Variants in PCA3 observed in about 807,000 individuals in gnomAD.
PCA3 encodes the protein Differential Display code 3.
At chr9:76,774,750 G>A (rs2053556740) in intron 2 of PCA3, among the ~76,000 whole-genome samples, 1 of 151,912 alleles carries the variant, frequency 6.6e-6, no homozygotes, top group African/African-American at 2.4e-5. Context: ...TGAGCCACTA[G>A]GCCCGACCCA....
At chr9:76,781,135 C>G (rs1451284968) in intron 2 of PCA3, among the ~76,000 whole-genome samples, 1 of 152,210 alleles carries the variant, frequency 6.6e-6, no homozygotes, top group Non-Finnish European at 1.5e-5. Flanking sequence ...CTACTTCAAA[C>G]CATGGTCACC....
At chr9:76,776,499 CTT>C (rs58566943) in intron 2 of PCA3, among the ~76,000 whole-genome samples, 6 of 136,468 alleles carry the variant, frequency 4.4e-5, no homozygotes, top group South Asian at 4.6e-4. Flanking sequence ...ACCACATTTT[CTT>C]TTTTTTTTTC....
At chr9:76,785,636 A>T (rs2054897092) in intron 2 of PCA3, 1 of 152,098 alleles carries the variant, frequency 6.6e-6, no homozygotes, top group East Asian at 1.9e-4. Context: ...CTTGTAGTTA[A>T]TTGAAAGAAA....
chr9:76,768,594 T>C (rs1006422359), intron 2 of PCA3, among the ~76,000 whole-genome samples: 4 of 143,174 alleles, frequency 2.8e-5, no homozygotes, highest in African/African-American at 1.1e-4. Flanking sequence ...TGTGTGTGTG[T>C]GTGTGTGTGT....
intron 2 of PCA3, among the ~76,000 whole-genome samples, chr9:76,782,287 C>T (rs1441573721): frequency 1.3e-5 from 2 of 152,198 alleles, no homozygotes; most frequent in Non-Finnish European, 2.9e-5. Context: ...AGTGACACAA[C>T]TCTCAGAAAG....
At chr9:76,769,023 T>C (rs1006473117) in intron 2 of PCA3, among the ~76,000 whole-genome samples, 3 of 152,166 alleles carry the variant, frequency 2.0e-5, no homozygotes, top group Non-Finnish European at 4.4e-5. Context: ...TATTGACAGT[T>C]TAAGAGATAT....
At chr9:76,769,617 G>A (rs1024733534) in intron 2 of PCA3, among the ~76,000 whole-genome samples, 1 of 152,142 alleles carries the variant, frequency 6.6e-6, no homozygotes, top group Non-Finnish European at 1.5e-5. Flanking sequence ...TAGAGATGGG[G>A]TTTCTCCATG....
intron 2 of PCA3, among the ~76,000 whole-genome samples, chr9:76,768,564 G>GATATAT (rs1186985207): frequency 1.3e-4 from 17 of 128,406 alleles, no homozygotes; most frequent in Non-Finnish European, 2.6e-4. Context: ...TCTTTGGGTT[G>GATATAT]ATATATATAT....
chr9:76,785,223 TC>T (rs1464592334), intron 2 of PCA3: 4 of 152,198 alleles, frequency 2.6e-5, no homozygotes, highest in Non-Finnish European at 5.9e-5. Flanking sequence ...CTCTTCCTTG[TC>T]TCTTAAATCT....
At chr9:76,774,450 CTTTTTTTTTT>C (rs869289049) in intron 2 of PCA3, among the ~76,000 whole-genome samples, 2 of 41,402 alleles carry the variant, frequency 4.8e-5, no homozygotes, top group East Asian at 1.0e-3. Context: ...CAGTTCAACC[CTTTTTTTTTT>C]TTTTTTTTTT....
intron 2 of PCA3, chr9:76,778,403 G>C (rs1488154659): frequency 1.3e-5 from 2 of 152,188 alleles, no homozygotes; most frequent in African/African-American, 2.4e-5. Flanking sequence ...AGTTTGATAG[G>C]AGACAATTAA....
intron 2 of PCA3, among the ~76,000 whole-genome samples, chr9:76,772,215 C>T (rs1261085819): frequency 6.6e-6 from 1 of 152,162 alleles, no homozygotes; most frequent in African/African-American, 2.4e-5. Context: ...TGAGAAGACA[C>T]CAGTGCCCAC....
At chr9:76,772,495 CCTT>C (rs1290318180) in intron 2 of PCA3, among the ~76,000 whole-genome samples, 3 of 152,134 alleles carry the variant, frequency 2.0e-5, no homozygotes, top group Admixed American at 2.0e-4. Context: ...CCAAAAATAA[CCTT>C]CTGTAGTTTT....
chr9:76,769,136 G>A (rs977219478), intron 2 of PCA3, among the ~76,000 whole-genome samples: 3 of 152,210 alleles, frequency 2.0e-5, no homozygotes, highest in Admixed American at 2.0e-4. Context: ...CTCATATATG[G>A]GTTGGATCTT....
intron 2 of PCA3, chr9:76,786,275 T>C (rs888609544): frequency 6.6e-6 from 1 of 152,188 alleles, no homozygotes; most frequent in African/African-American, 2.4e-5. Context: ...CTGATGCTCA[T>C]AGGAGAGAAT....
intron 2 of PCA3, among the ~76,000 whole-genome samples, chr9:76,768,445 G>A (rs2052677183): frequency 1.3e-5 from 2 of 152,122 alleles, no homozygotes; most frequent in South Asian, 4.2e-4. Context: ...CTCCTGCCTT[G>A]GCCTGCTAAA....
At chr9:76,772,041 C>G (rs935838211) in intron 2 of PCA3, among the ~76,000 whole-genome samples, 6 of 152,230 alleles carry the variant, frequency 3.9e-5, no homozygotes, top group Non-Finnish European at 7.3e-5. Context: ...TGGCTCCACA[C>G]AAACTACCTT....
At chr9:76,768,995 G>A (rs888066453) in intron 2 of PCA3, among the ~76,000 whole-genome samples, 1 of 152,134 alleles carries the variant, frequency 6.6e-6, no homozygotes, top group East Asian at 1.9e-4. Flanking sequence ...AGTCCTCTCA[G>A]CAGACCTTCT....
intron 2 of PCA3, among the ~76,000 whole-genome samples, chr9:76,774,460 T>TATTTATTTATTTATTTA (rs1564272674): frequency 9.4e-5 from 13 of 138,660 alleles, no homozygotes; most frequent in Middle Eastern, 3.5e-3. Flanking sequence ...CTTTTTTTTT[T>TATTTATTTATTTATTTA]TTTTTTTTTT....
Sources: allele counts gnomAD v4.1 joint callset (sites outside exome capture counted in the v4.1 genomes callset), GRCh38; gene constraint gnomAD v4.1.1; transcripts MANE v1.5; gene names NCBI Gene and HGNC (gene_info 2026-07-23, HGNC 2026-07-21).